TBCD: variants seen among roughly 807,000 people sequenced by gnomAD.
The protein encoded by TBCD is tubulin-specific chaperone D.
In TBCD, 105 loss-of-function variants were observed where a neutral mutation model predicts 169.3. The ratio of observed to expected loss-of-function variants is 0.62; its 90% CI spans 0.53 to 0.73. The LOEUF (loss-of-function observed/expected upper bound fraction) is 0.73. Ranked by LOEUF, TBCD falls within the 30% of genes least tolerant of loss-of-function variation. The pLI is 0.00. For missense variants in TBCD, 1,444 were observed against 1,600.1 expected, an observed-to-expected ratio of 0.90 and a Z score of 1.66; for synonymous variants, 700 against 643.9, an observed-to-expected ratio of 1.09 and a Z score of -1.32.
chr17:82,781,412 G>T (rs1389570460), intron 6 of TBCD, among the ~76,000 whole-genome samples, 177 bp from the exon 7 acceptor site: 1 of 151,802 alleles, frequency 6.6e-6, no homozygotes, highest in African/African-American at 2.4e-5. Flanking sequence ...GGTTTCTAGG[G>T]TTGGAGAGAG....
chr17:82,806,023 C>G lies in TBCD; in HGVS notation c.1087+12C>G, dbSNP rs2144765599. On this transcript the variant is annotated intron_variant, in intron 10 of 38. Transcript: ENST00000355528. This position sits in a 1 kb window ranked among gnomAD's most constrained non-coding sequence, Gnocchi z 5.1. ...GGAGCGTGTGATAGGTGCGTGGGGTCTAAGCGGCGGCCTCTGCTCTTGGGC... is the reference window on the plus strand; with the variant it reads ...GGAGCGTGTGATAGGTGCGTGGGGTGTAAGCGGCGGCCTCTGCTCTTGGGC... 1 of 1,609,976 alleles carries G rather than the reference C, an allele frequency of 6.2e-7. No individual in the cohort carries two copies. Among genetic ancestry groups the G allele is most frequent in the Non-Finnish European group, 8.5e-7 (1 of 1,176,750 alleles).
At chr17:82,767,082 A>G (rs2144011131) in intron 4 of TBCD, among the ~76,000 whole-genome samples, 1 of 152,362 alleles carries the variant, frequency 6.6e-6, no homozygotes, top group South Asian at 2.1e-4. Flanking sequence ...CTCATCAGGC[A>G]GGGCTTGGTG....
intron 7 of TBCD, among the ~76,000 whole-genome samples, chr17:82,785,702 T>C (rs1027057723): frequency 7.3e-6 from 1 of 136,212 alleles, no homozygotes; most frequent in Non-Finnish European, 1.6e-5. Context: ...GGGGGGTCCA[T>C]GATGTGTGAC....
At chr17:82,772,810 G>A (rs1390159543) in intron 6 of TBCD, among the ~76,000 whole-genome samples, 3 of 152,170 alleles carry the variant, frequency 2.0e-5, no homozygotes, top group African/African-American at 7.2e-5. Context: ...CCCTGCACAG[G>A]GATGGGGTGG....
intron 13 of TBCD, chr17:82,860,321 C>T: frequency 1.0e-6 from 1 of 963,892 alleles, no homozygotes. Context: ...CGCTGAGCGT[C>T]CCCTCCCCTC....
In TBCD at chr17:82,937,355, C is replaced by G. The variant is rs143784778; in HGVS notation, c.3276C>G (p.Ile1092Met). 683 of 1,613,926 alleles carry G rather than the reference C, an allele frequency of 4.2e-4. 3 individuals carry two copies. The East Asian group carries it at 0.014, about 33-fold the overall frequency. Residue 1092 changes from isoleucine (I) to methionine (M), a missense_variant, in exon 35 of 39, where the codon ATC (isoleucine) becomes ATG (methionine). Coordinates refer to ENST00000355528, the MANE Select transcript of TBCD (RefSeq NM_005993.5). ...SKDIQKLLSG[I>M]AVFCEMVQFP... ...ATATCCAGAAGCTCCTGTCAGGCAT[C>G]GCAGTGTGAGTTTCAAGTGCTGCTG...
chr17:82,810,931 G>A (rs2051392123), intron 12 of TBCD, among the ~76,000 whole-genome samples: 1 of 152,206 alleles, frequency 6.6e-6, no homozygotes, highest in Non-Finnish European at 1.5e-5. Flanking sequence ...GACAATTTCA[G>A]GAGCACAGGA....
At chr17:82,938,389 T>A (rs1008163103) in intron 36 of TBCD, among the ~76,000 whole-genome samples, 8 of 152,150 alleles carry the variant, frequency 5.3e-5, no homozygotes, top group African/African-American at 1.9e-4. Flanking sequence ...GGCGGTGGGA[T>A]CTGGCTCAGG....
Position 82,890,636 on chromosome 17 carries a change from T to C in TBCD, c.1563+939T>C, listed in dbSNP as rs1172156482. 6.6e-6 allele frequency among the ~76,000 whole-genome samples: 1 copy of C among 151,856 alleles called. No individual in the cohort carries two copies. The highest frequency in any genetic ancestry group is 1.5e-5 in the Non-Finnish European group (1 of 67,960). Reference sequence around the variant, plus strand: ...TTCTGGAGGAGCCTGGCGTGAGTGGTGTGGGCGGCTTTCTGTAGACGGAGC... The same window carrying C: ...TTCTGGAGGAGCCTGGCGTGAGTGGCGTGGGCGGCTTTCTGTAGACGGAGC... On this transcript the variant is annotated intron_variant, in intron 16 of 38. Coordinates refer to ENST00000355528, the MANE Select transcript of TBCD (RefSeq NM_005993.5). This position sits in a 1 kb window ranked among gnomAD's most constrained non-coding sequence, Gnocchi z 5.3.
intron 6 of TBCD, among the ~76,000 whole-genome samples, chr17:82,777,922 G>C (rs2048704072): frequency 6.6e-6 from 1 of 152,210 alleles, no homozygotes; most frequent in Non-Finnish European, 1.5e-5. Flanking sequence ...CTAGACCACG[G>C]TCCGCTTGTC....
At chr17:82,808,877 G>T (rs1188873817) in intron 11 of TBCD, among the ~76,000 whole-genome samples, 2 of 148,054 alleles carry the variant, frequency 1.4e-5, no homozygotes, top group East Asian at 4.1e-4. Context: ...AGGTATCAGG[G>T]TGGTCCCTGC....
Position 82,930,327 on chromosome 17 carries a change from T to C in TBCD, c.2992-195T>C, listed in dbSNP as rs2062093725. 3 of 688,950 alleles carry C rather than the reference T, an allele frequency of 4.4e-6. No homozygotes were observed. Among genetic ancestry groups the C allele is most frequent in the Non-Finnish European group, 7.0e-6 (3 of 429,622 alleles). The allele number at this position is 688,950 out of a possible 1,614,324, so 42.7% of individuals were successfully genotyped here. On this transcript the variant is annotated intron_variant, in intron 32 of 38. Coordinates refer to ENST00000355528, the MANE Select transcript of TBCD (RefSeq NM_005993.5). The surrounding 1 kb of genome is among the most constrained non-coding windows in gnomAD (Gnocchi z 5.2). ...GCTGAGCTGCCGTTGCCGAGAGCCT[T>C]GTGTCTGCTTCGGGTGTCTGCACTG...
At chr17:82,838,131 C>T (rs976165143) in intron 13 of TBCD, among the ~76,000 whole-genome samples, 6 of 152,240 alleles carry the variant, frequency 3.9e-5, no homozygotes, top group African/African-American at 1.4e-4. Flanking sequence ...CGTAGCTGCC[C>T]ACACAGACAG....
intron 37 of TBCD, among the ~76,000 whole-genome samples, chr17:82,940,219 G>GTGCA (rs1555672915): frequency 9.5e-5 from 9 of 94,524 alleles, no homozygotes; most frequent in African/African-American, 2.5e-4. Context: ...ACTTGCACGC[G>GTGCA]CGCACACACA....
At chr17:82,754,912 A>G (rs12453281) in intron 1 of TBCD, among the ~76,000 whole-genome samples, 3 of 152,254 alleles carry the variant, frequency 2.0e-5, no homozygotes, top group Non-Finnish European at 2.9e-5. Context: ...GGATATGTCA[A>G]CCAAAAAGTA....
rs1015534800 is a variant in TBCD, at chr17:82,922,935, G to A, written c.2179-717G>A. Among the ~76,000 whole-genome samples, 10 of 152,370 alleles carry A rather than the reference G, an allele frequency of 6.6e-5. No individual in the cohort carries two copies. The highest frequency in any genetic ancestry group is 2.1e-4 in the South Asian group (1 of 4,830). ...GAGACAGTGGCACTGAGCCCCGCAC[G>A]CGGCGGGACTGGTGACTCTCTGCCC... On this transcript the variant is annotated intron_variant, in intron 25 of 38. Coordinates refer to ENST00000355528, the MANE Select transcript of TBCD (RefSeq NM_005993.5). This position sits in a 1 kb window ranked among gnomAD's most constrained non-coding sequence, Gnocchi z 4.1.
At chr17:82,887,265 C>T (rs1415980621) in intron 15 of TBCD, among the ~76,000 whole-genome samples, 1 of 152,100 alleles carries the variant, frequency 6.6e-6, no homozygotes, top group Non-Finnish European at 1.5e-5. Flanking sequence ...ACACAGCAGC[C>T]CTGTCTTCCC....
chr17:82,809,657 T>C, intron 11 of TBCD, 51 bp from the exon 12 acceptor site: 1 of 1,587,844 alleles, frequency 6.3e-7, no homozygotes, highest in Non-Finnish European at 8.6e-7. Flanking sequence ...ACGCATGCCC[T>C]TGGCGACAGG....
intron 16 of TBCD, among the ~76,000 whole-genome samples, chr17:82,891,035 C>T (rs887060041): frequency 2.0e-5 from 3 of 152,364 alleles, no homozygotes; most frequent in South Asian, 4.1e-4. Context: ...TGGAGAGGGG[C>T]GTGCTGAGGC....
Sources: allele counts gnomAD v4.1 joint callset (sites outside exome capture counted in the v4.1 genomes callset), GRCh38; gene constraint gnomAD v4.1.1; non-coding constraint Gnocchi (gnomAD v3.1); transcripts MANE v1.5; gene names NCBI Gene and HGNC (gene_info 2026-07-23, HGNC 2026-07-21).